The following RGS7 variants were observed in gnomAD, a reference collection of about 807,000 sequenced individuals.
RGS7 encodes the protein regulator of G protein signaling 7.
RGS7 carries 27 observed loss-of-function variants against 81.1 expected under a neutral mutation model. The ratio of observed to expected loss-of-function variants is 0.33; its 90% CI spans 0.25 to 0.46. The LOEUF (loss-of-function observed/expected upper bound fraction) is 0.46. RGS7 is among the 20% of genes least tolerant of loss of function. RGS7 has a pLI of 1.00. For synonymous variants in RGS7, 208 were observed against 207.7 expected, an observed-to-expected ratio of 1.00 and a Z score of -0.01; for missense variants, 396 against 607.4, an observed-to-expected ratio of 0.65 and a Z score of 3.66.
At chr1:240,940,481 A>C (rs189802733) in intron 4 of RGS7, among the ~76,000 whole-genome samples, 1 of 152,320 alleles carries the variant, frequency 6.6e-6, no homozygotes, top group East Asian at 1.9e-4. Flanking sequence ...CATCCTTTGT[A>C]GGTGGCCCAT....
rs566443350 is a variant in RGS7 at position 240,967,572 on chromosome 1, G to C, written c.226+15507C>G. 3.8e-5 allele frequency among the ~76,000 whole-genome samples: 5 copies of C among 131,162 alleles called. 1 individual carries two copies. Among genetic ancestry groups the C allele is most frequent in the South Asian group, 5.3e-4 (2 of 3,784 alleles). The allele number at this position is 131,162 out of a possible 152,430, so 86.0% of individuals were successfully genotyped here. On this transcript the variant is annotated intron_variant, in intron 4 of 18. Transcript: ENST00000440928. The stretch of plus-strand genomic sequence containing the variant: ...CAAAGTGATTGTGCCAAGAAGTGGG[G>C]GGGGGGGGGAAAAGGCTGTAGCAAG...
At chr1:241,303,112 C>G (rs1002357199) in intron 2 of RGS7, among the ~76,000 whole-genome samples, 7 of 152,140 alleles carry the variant, frequency 4.6e-5, no homozygotes, top group Non-Finnish European at 1.0e-4. Flanking sequence ...TAATTCTTTA[C>G]TATCTGATAT....
At chr1:240,854,751 T>C (rs766578569) in intron 9 of RGS7, among the ~76,000 whole-genome samples, 3 of 152,204 alleles carry the variant, frequency 2.0e-5, no homozygotes, top group Admixed American at 6.5e-5. Context: ...GCATCTAACT[T>C]CTCTGCCTTA....
intron 4 of RGS7, among the ~76,000 whole-genome samples, chr1:240,946,798 C>T (rs945666481): frequency 6.6e-6 from 1 of 152,068 alleles, no homozygotes; most frequent in Non-Finnish European, 1.5e-5. Context: ...AGTTTTGGTG[C>T]TCTATTACAC....
chr1:241,196,305 A>G (rs1467359520), intron 2 of RGS7, among the ~76,000 whole-genome samples: 5 of 152,102 alleles, frequency 3.3e-5, no homozygotes, highest in Non-Finnish European at 1.5e-5. Context: ...ACAAATAAGA[A>G]CTGAATGCAC....
chr1:241,278,755 C>T (rs546214591), intron 2 of RGS7, among the ~76,000 whole-genome samples: 4 of 152,188 alleles, frequency 2.6e-5, no homozygotes, highest in Non-Finnish European at 5.9e-5. Context: ...GCTTTGTCTA[C>T]GAACTGCCAC....
At position 241,147,780 on chromosome 1, in the gene RGS7, T is replaced by TTATATATATATATATATATATA. The variant is rs200770896; in HGVS notation, c.79-49040_79-49019dup. On this transcript the variant is annotated intron_variant, in intron 2 of 18. Transcript: ENST00000440928. The stretch of plus-strand genomic sequence containing the variant: ...TTAAATATCCCATCTAGATTAAGTT[T>TTATATATATATATATATATATA]TATATATATATATATATATATATAT... Among the ~76,000 whole-genome samples the TTATATATATATATATATATATA allele has an allele frequency of 3.1e-4, 14 of 44,638 alleles. 1 individual carries two copies. Among genetic ancestry groups the TTATATATATATATATATATATA allele is most frequent in the East Asian group, 1.6e-3 (2 of 1,228 alleles). 29.3% of individuals were successfully genotyped at this position (44,638 alleles called of 152,430 possible). A position where few individuals can be genotyped will look rare whatever the true frequency, so the allele number is the denominator to read the frequency against.
intron 3 of RGS7, among the ~76,000 whole-genome samples, chr1:241,044,011 C>G (rs985070418): frequency 1.3e-5 from 2 of 152,000 alleles, no homozygotes; most frequent in Non-Finnish European, 2.9e-5. Context: ...CTACTACAAT[C>G]TTTGTGCTAC....
intron 2 of RGS7, among the ~76,000 whole-genome samples, chr1:241,243,510 T>C (rs960668810): frequency 6.6e-6 from 1 of 152,160 alleles, no homozygotes; most frequent in African/African-American, 2.4e-5. Flanking sequence ...TTGGGATATA[T>C]TTTGTGTGCA....
intron 2 of RGS7, among the ~76,000 whole-genome samples, chr1:241,235,909 T>TGAGAGAGAAAGAGACAGAGAGAGAGAGA (rs11274117): frequency 2.9e-5 from 4 of 137,902 alleles, no homozygotes; most frequent in Non-Finnish European, 6.5e-5. Context: ...AGATGCACTT[T>TGAGAGAGAAAGAGACAGAGAGAGAGAGA]GAGAGAGAGA....
chr1:241,327,849 A>G (rs1230732277), intron 2 of RGS7, among the ~76,000 whole-genome samples: 3 of 152,200 alleles, frequency 2.0e-5, no homozygotes, highest in African/African-American at 7.2e-5. Flanking sequence ...TTTTCCCAAT[A>G]CAATAATTAT....
At chr1:240,920,271 G>A in intron 6 of RGS7, 1 of 1,294,762 alleles carries the variant, frequency 7.7e-7, no homozygotes, top group Non-Finnish European at 1.1e-6. Context: ...TGATCGTGGT[G>A]GTGGTTTTGG....
At chr1:241,056,085 G>A (rs1296429261) in intron 3 of RGS7, among the ~76,000 whole-genome samples, 1 of 152,100 alleles carries the variant, frequency 6.6e-6, no homozygotes, top group African/African-American at 2.4e-5. Context: ...CTACCTCTCT[G>A]ATCTTTTCTA....
intron 5 of RGS7, among the ~76,000 whole-genome samples, chr1:240,933,428 A>T (rs886437590): frequency 3.3e-5 from 5 of 151,994 alleles, no homozygotes; most frequent in African/African-American, 1.2e-4. Flanking sequence ...GAATTTAATG[A>T]CTGTAAAATT....
intron 3 of RGS7, among the ~76,000 whole-genome samples, chr1:241,082,859 T>C (rs1008944134): frequency 6.6e-6 from 1 of 152,184 alleles, no homozygotes; most frequent in Non-Finnish European, 1.5e-5. Flanking sequence ...TGATATAAGA[T>C]AAGATAAATT....
chr1:241,026,390 C>A (rs899651899), intron 3 of RGS7, among the ~76,000 whole-genome samples: 3 of 152,074 alleles, frequency 2.0e-5, no homozygotes, highest in African/African-American at 4.8e-5. Context: ...GGGTTAGAGA[C>A]CAGCCTGGTC....
At chr1:241,130,269 T>G (rs2066978497) in intron 2 of RGS7, among the ~76,000 whole-genome samples, 1 of 152,188 alleles carries the variant, frequency 6.6e-6, no homozygotes. Flanking sequence ...AATAATATAC[T>G]TCACCAGATG....
chr1:241,015,433 AT>A (rs1209467253), intron 3 of RGS7, among the ~76,000 whole-genome samples: 1 of 152,130 alleles, frequency 6.6e-6, no homozygotes, highest in African/African-American at 2.4e-5. Context: ...TAAATTTGCA[AT>A]TTGTTAGTAA....
chr1:241,081,251 T>C (rs757118055), intron 3 of RGS7, among the ~76,000 whole-genome samples: 58 of 152,258 alleles, frequency 3.8e-4, no homozygotes, highest in Non-Finnish European at 4.7e-4. Flanking sequence ...CATCTTTTTT[T>C]CTTTCTTGGC....
Sources: allele counts gnomAD v4.1 joint callset (sites outside exome capture counted in the v4.1 genomes callset), GRCh38; gene constraint gnomAD v4.1.1; transcripts MANE v1.5; gene names NCBI Gene and HGNC (gene_info 2026-07-23, HGNC 2026-07-21).